ULK4: variants seen among roughly 807,000 people sequenced by gnomAD.
ULK4 encodes unc-51 like kinase 4, also known as inactive serine/threonine-protein kinase ULK4.
A neutral mutation model predicts 160.6 loss-of-function variants in ULK4; 133 were observed. That is an observed-to-expected ratio of 0.83 (90% confidence interval 0.72 to 0.96). The LOEUF (loss-of-function observed/expected upper bound fraction) is 0.96. Among genes scored for constraint, ULK4 ranks in the 40% least tolerant of loss-of-function variants. The probability of loss-of-function intolerance (pLI) is 0.00; values close to 1 mark genes in which losing one functional copy is unlikely to be tolerated. For missense variants in ULK4, 1,580 were observed against 1,499.5 expected (o/e 1.05, Z -0.89); for synonymous variants, 534 against 539.8 (o/e 0.99, Z 0.15).
chr3:41,376,038 A>G (rs2125788659), intron 35 of ULK4, among the ~76,000 whole-genome samples: 1 of 150,600 alleles, frequency 6.6e-6, no homozygotes, highest in Non-Finnish European at 1.5e-5. Flanking sequence ...AAAAAAGCTC[A>G]TCATCGCTGG....
chr3:41,482,458 G>C (rs969450942), intron 32 of ULK4, among the ~76,000 whole-genome samples: 2 of 151,902 alleles, frequency 1.3e-5, no homozygotes, highest in Admixed American at 1.3e-4. Flanking sequence ...TGGGGCAAGG[G>C]GCTTCAGGTG....
chr3:41,830,734 A>T (rs2041552118), intron 18 of ULK4, among the ~76,000 whole-genome samples: 1 of 152,132 alleles, frequency 6.6e-6, no homozygotes, highest in African/African-American at 2.4e-5. Flanking sequence ...TGACACCCTT[A>T]AAATGCATCA....
chr3:41,870,875 G>T (rs138307343), intron 17 of ULK4, among the ~76,000 whole-genome samples: 11 of 152,214 alleles, frequency 7.2e-5, no homozygotes, highest in African/African-American at 2.6e-4. Context: ...ACCCTGAATC[G>T]TAATAATCCC....
intron 16 of ULK4, among the ~76,000 whole-genome samples, chr3:41,892,754 AT>A (rs1451595313): frequency 6.6e-6 from 1 of 152,216 alleles, no homozygotes; most frequent in Non-Finnish European, 1.5e-5. Flanking sequence ...CCAAATCACC[AT>A]ATCTGGACCA....
intron 22 of ULK4, among the ~76,000 whole-genome samples, chr3:41,718,462 C>G (rs77120819): frequency 6.6e-6 from 1 of 152,172 alleles, no homozygotes; most frequent in Non-Finnish European, 1.5e-5. Flanking sequence ...CAACCACTTC[C>G]AACCCGGAAC....
intron 34 of ULK4, among the ~76,000 whole-genome samples, chr3:41,405,223 T>C (rs2082269693): frequency 6.6e-6 from 1 of 152,202 alleles, no homozygotes; most frequent in African/African-American, 2.4e-5. Flanking sequence ...AGTGAGAGCC[T>C]GAGGCATTTG....
At chr3:41,504,919 A>C (rs1272752264) in intron 32 of ULK4, among the ~76,000 whole-genome samples, 1 of 152,172 alleles carries the variant, frequency 6.6e-6, no homozygotes, top group Non-Finnish European at 1.5e-5. Flanking sequence ...ATTCTCAATG[A>C]CATCTATATA....
At chr3:41,657,342 T>C (rs1321819687) in intron 30 of ULK4, among the ~76,000 whole-genome samples, 2 of 152,216 alleles carry the variant, frequency 1.3e-5, no homozygotes, top group East Asian at 3.9e-4. Context: ...AGTTATTACA[T>C]GGTACTCTAA....
intron 32 of ULK4, among the ~76,000 whole-genome samples, chr3:41,475,063 A>G (rs962963074): frequency 6.6e-6 from 1 of 152,208 alleles, no homozygotes; most frequent in Non-Finnish European, 1.5e-5. Context: ...AGCACTATTC[A>G]CAGTAGACAA....
In ULK4 at chr3:41,279,268, A is replaced by AAAC. The variant is rs1274513192; in HGVS notation, c.3679-29695_3679-29694insGTT. On this transcript the variant is annotated intron_variant, in intron 35 of 36. Transcript: ENST00000301831. ...AGAAAAAAAGAGTAAAAAAAAAAAA[A>AAAC]AAAAAAACAAAACGACAAAGCCTCC... 1.3e-3 allele frequency among the ~76,000 whole-genome samples: 194 copies of AAAC among 145,434 alleles called. 2 individuals carry two copies. The highest frequency in any genetic ancestry group is 4.8e-3 in the African/African-American group (182 of 37,646).
At chr3:41,407,291 G>A (rs937846121) in intron 34 of ULK4, among the ~76,000 whole-genome samples, 2 of 152,146 alleles carry the variant, frequency 1.3e-5, no homozygotes, top group Admixed American at 1.3e-4. Context: ...TAAGGAAGAA[G>A]TAATACCAAT....
At chr3:41,516,486 A>G (rs187385869) in intron 32 of ULK4, among the ~76,000 whole-genome samples, 1 of 151,168 alleles carries the variant, frequency 6.6e-6, no homozygotes, top group East Asian at 1.9e-4. Context: ...TCCACAATGG[A>G]GTACTATTCA....
At chr3:41,814,102 C>T (rs1448797476) in intron 19 of ULK4, among the ~76,000 whole-genome samples, 7 of 152,188 alleles carry the variant, frequency 4.6e-5, no homozygotes, top group African/African-American at 1.7e-4. Context: ...GGCTGTCCTC[C>T]TGTGGCAGGT....
Position 41,420,475 on chromosome 3 carries a change from C to CTTTTTTTTT in ULK4, c.3493-22220_3493-22212dup, listed in dbSNP as rs1165381982. Among the ~76,000 whole-genome samples the CTTTTTTTTT allele has an allele frequency of 2.6e-3, 108 of 41,182 alleles. 6 individuals carry two copies. The highest frequency in any genetic ancestry group is 5.8e-3 in the African/African-American group (58 of 10,044). The allele number at this position is 41,182 out of a possible 152,430, so 27.0% of individuals were successfully genotyped here. Reference sequence around the variant, plus strand: ...GGATTTTTCAGTTTTCCAGTTCTTTCTTTTTTTTTTTTTTTTTTTTTTTTT... The same window carrying CTTTTTTTTT: ...GGATTTTTCAGTTTTCCAGTTCTTTCTTTTTTTTTTTTTTTTTTTTTTTTTTTTTTTTTT... On this transcript the variant is annotated intron_variant, in intron 34 of 36. Transcript: ENST00000301831.
chr3:41,251,143 T>C (rs776864223), intron 35 of ULK4: 1 of 152,174 alleles, frequency 6.6e-6, no homozygotes, highest in South Asian at 2.1e-4. Context: ...AAGGTGCAAA[T>C]AGAAATCTAC....
At chr3:41,708,831 T>C (rs6599168) in intron 25 of ULK4, among the ~76,000 whole-genome samples, 45,199 of 152,118 alleles carry the variant, frequency 0.3, 9,371 homozygotes, top group African/African-American at 0.59. Flanking sequence ...TTCAAAACAA[T>C]CTGTTGTACA....
intron 34 of ULK4, among the ~76,000 whole-genome samples, chr3:41,431,343 T>TCA (rs577423739): frequency 1.7e-3 from 239 of 144,022 alleles, no homozygotes; most frequent in Non-Finnish European, 3.1e-3. Flanking sequence ...CGAGACTCCG[T>TCA]CACACACACA....
intron 32 of ULK4, among the ~76,000 whole-genome samples, chr3:41,534,284 G>A (rs189104998): frequency 3.9e-4 from 60 of 152,188 alleles, no homozygotes; most frequent in East Asian, 1.2e-3. Context: ...CTTCTTTGGC[G>A]GTGCCACAGT....
rs566805860 is a variant in ULK4, at chr3:41,901,479, C to CTTTTT, written c.1183-655_1183-651dup. ...ACAGGCGTGAGCCACCACGCCCAGC[C>CTTTTT]TTTTTTTTTTTTTTTTTTTGAGATA... On this transcript the variant is annotated intron_variant, in intron 12 of 36. Coordinates refer to ENST00000301831, the MANE Select transcript of ULK4 (RefSeq NM_017886.4). 1.0e-3 allele frequency among the ~76,000 whole-genome samples: 23 copies of CTTTTT among 22,542 alleles called. 4 individuals are homozygous for CTTTTT. The highest frequency in any genetic ancestry group is 1.7e-3 in the Non-Finnish European group (10 of 5,740). The allele number at this position is 22,542 out of a possible 152,430, so 14.8% of individuals were successfully genotyped here.
Sources: gnomAD v4.1 joint callset for allele counts (sites outside exome capture counted in the v4.1 genomes callset) on GRCh38, gnomAD v4.1.1 for gene constraint, MANE v1.5 for transcripts, NCBI Gene and HGNC (gene_info 2026-07-23, HGNC 2026-07-21) for gene names.